ZDHHC3: variants seen among roughly 807,000 people sequenced by gnomAD.
The protein encoded by ZDHHC3 is palmitoyltransferase ZDHHC3.
ZDHHC3 carries 9 observed loss-of-function variants against 30.6 expected under a neutral mutation model. The ratio of observed to expected loss-of-function variants is 0.29; its 90% CI spans 0.18 to 0.51. ZDHHC3 has a LOEUF of 0.51. Ranked by LOEUF, ZDHHC3 falls within the 20% of genes least tolerant of loss-of-function variation. The pLI is 0.97. For synonymous variants in ZDHHC3, 136 were observed against 140.2 expected (o/e 0.97, Z 0.21); for missense variants, 246 against 384.2 (o/e 0.64, Z 3.01).
At chr3:44,948,797 G>A (rs566666496) in intron 2 of ZDHHC3, among the ~76,000 whole-genome samples, 6 of 152,224 alleles carry the variant, frequency 3.9e-5, no homozygotes, top group Non-Finnish European at 8.8e-5. Context: ...TCTTTGCTGG[G>A]CCCCAGCCCT....
At position 44,968,604 on chromosome 3, in the gene ZDHHC3, G is replaced by A. The variant is rs1197644192; in HGVS notation, c.-25+7329C>T. 3.3e-5 allele frequency among the ~76,000 whole-genome samples: 5 copies of A among 152,192 alleles called. No homozygotes were observed. The South Asian group carries it at 1.0e-3, about 31-fold the overall frequency. ...CCAGCTACTTGGGAAGCTGAGATAG[G>A]AGGATCGCCTGAGCCCAGAAGGTTG... is the stretch of plus-strand genomic sequence containing the variant. On this transcript the variant is annotated intron_variant, in intron 1 of 6. Coordinates refer to ENST00000424952, the MANE Select transcript of ZDHHC3 (RefSeq NM_001135179.2).
chr3:44,968,520 C>G (rs1705147019), intron 1 of ZDHHC3, among the ~76,000 whole-genome samples: 1 of 152,068 alleles, frequency 6.6e-6, no homozygotes, highest in Non-Finnish European at 1.5e-5. Context: ...TATAGCGAGA[C>G]CTCATCTCTA....
At chr3:44,968,320 AAAAC>A (rs908550297) in intron 1 of ZDHHC3, among the ~76,000 whole-genome samples, 35 of 152,254 alleles carry the variant, frequency 2.3e-4, no homozygotes, top group East Asian at 5.8e-4. Context: ...AAAAAAAAAC[AAAAC>A]AAACAAACAA....
chr3:44,973,822 G>A (rs74519634), intron 1 of ZDHHC3, among the ~76,000 whole-genome samples: 3,473 of 152,324 alleles, frequency 0.023, 103 homozygotes, highest in African/African-American at 0.077. Flanking sequence ...GTAAATTAGT[G>A]TTGAAAATTA....
intron 3 of ZDHHC3, 37 bp from the exon 4 acceptor site, chr3:44,934,021 C>T (rs1701725200): frequency 1.2e-6 from 2 of 1,606,478 alleles, no homozygotes; most frequent in Admixed American, 1.7e-5. Flanking sequence ...TAGGGCATCC[C>T]CATGGTGTTG....
At chr3:44,963,857 T>A (rs1704698349) in intron 1 of ZDHHC3, among the ~76,000 whole-genome samples, 1 of 152,218 alleles carries the variant, frequency 6.6e-6, no homozygotes, top group South Asian at 2.1e-4. Context: ...CTCTAAAAAC[T>A]CCTCTCTTTA....
At chr3:44,969,913 C>G (rs1327653755) in intron 1 of ZDHHC3, 2 of 152,224 alleles carry the variant, frequency 1.3e-5, no homozygotes, top group African/African-American at 4.8e-5. Flanking sequence ...AACGCCTCCC[C>G]CCATGCTAGG....
chr3:44,948,655 T>C (rs1703163099), intron 2 of ZDHHC3, among the ~76,000 whole-genome samples: 1 of 152,010 alleles, frequency 6.6e-6, no homozygotes, highest in Admixed American at 6.5e-5. Flanking sequence ...GGACTGAAAG[T>C]GGGGATCCTA....
intron 1 of ZDHHC3, among the ~76,000 whole-genome samples, chr3:44,967,918 T>C (rs1262029659): frequency 6.6e-6 from 1 of 152,236 alleles, no homozygotes; most frequent in Non-Finnish European, 1.5e-5. Context: ...TGAATGCCTA[T>C]TATGCTTCAG....
intron 3 of ZDHHC3, among the ~76,000 whole-genome samples, chr3:44,935,691 T>TGA (rs1701900915): frequency 6.6e-6 from 1 of 152,196 alleles, no homozygotes; most frequent in Non-Finnish European, 1.5e-5. Context: ...TGTAAGCCAA[T>TGA]GAGAGTTCCT....
rs1450148291 is a variant in ZDHHC3, at chr3:44,921,750, T to C, written c.*4939A>G. 21 of 966,422 alleles carry C rather than the reference T, an allele frequency of 2.2e-5. No individual in the cohort carries two copies. Among genetic ancestry groups the C allele is most frequent in the Non-Finnish European group, 2.1e-5 (17 of 812,802 alleles). The allele number at this position is 966,422 out of a possible 1,614,324, so 59.9% of individuals were successfully genotyped here. A position where few individuals can be genotyped will look rare whatever the true frequency, so the allele number is the denominator to read the frequency against. ...GGCTTAAAGAAGTTACTGCTCAAGG[T>C]CATATTTTGGTAGTAGGTGCGGTAA... is the stretch of plus-strand genomic sequence containing the variant. On this transcript the variant is annotated 3_prime_UTR_variant, in exon 7 of 7. Transcript: ENST00000424952.
At chr3:44,942,973 G>C (rs900284343) in intron 3 of ZDHHC3, among the ~76,000 whole-genome samples, 25 of 152,122 alleles carry the variant, frequency 1.6e-4, no homozygotes, top group African/African-American at 6.0e-4. Flanking sequence ...TCCTAAGCCC[G>C]AGAGTGGCAA....
Position 44,933,208 on chromosome 3 carries a change from G to T in ZDHHC3, c.529-9C>A. ...ATGAGAGCTATGTACATCTGAAACA[G>T]GAAACCAGTGCAGACACCATTGTTG... On this transcript the variant is annotated splice_polypyrimidine_tract_variant and intron_variant, in intron 4 of 6. Transcript: ENST00000424952. 1 of 1,613,328 alleles carries T rather than the reference G, an allele frequency of 6.2e-7. No individual in the cohort carries two copies. The highest frequency in any genetic ancestry group is 8.5e-7 in the Non-Finnish European group (1 of 1,179,290).
intron 3 of ZDHHC3, among the ~76,000 whole-genome samples, chr3:44,944,642 G>A (rs1310239466): frequency 6.8e-6 from 1 of 147,830 alleles, no homozygotes; most frequent in Admixed American, 6.6e-5. Context: ...AAAGAAACCT[G>A]AAAACAAAAC....
At chr3:44,941,155 G>A (rs913116525) in intron 3 of ZDHHC3, among the ~76,000 whole-genome samples, 3 of 152,156 alleles carry the variant, frequency 2.0e-5, no homozygotes, top group Non-Finnish European at 2.9e-5. Flanking sequence ...AGACTGGGAT[G>A]CTCATGTAGG....
In ZDHHC3 at chr3:44,923,364, T is replaced by C; in HGVS notation, c.*3325A>G. On this transcript the variant is annotated 3_prime_UTR_variant, in exon 7 of 7. Coordinates refer to ENST00000424952, the MANE Select transcript of ZDHHC3 (RefSeq NM_001135179.2). ...GTGCTGGGATTACAGGCGTGAGGGATGTCCACAGTGAGAAGTGTCCGCGCC... is the reference window on the plus strand; with the variant it reads ...GTGCTGGGATTACAGGCGTGAGGGACGTCCACAGTGAGAAGTGTCCGCGCC... The C allele has an allele frequency of 3.0e-6, 3 of 985,378 alleles. No individual in the cohort carries two copies. Among genetic ancestry groups the C allele is most frequent in the Non-Finnish European group, 3.6e-6 (3 of 829,918 alleles). The allele number at this position is 985,378 out of a possible 1,614,324, so 61.0% of individuals were successfully genotyped here. A position where few individuals can be genotyped will look rare whatever the true frequency, so the allele number is the denominator to read the frequency against.
chr3:44,934,508 G>A (rs1279307932), intron 3 of ZDHHC3, among the ~76,000 whole-genome samples: 1 of 150,032 alleles, frequency 6.7e-6, no homozygotes, highest in Non-Finnish European at 1.5e-5. Flanking sequence ...TCAGAGCAAG[G>A]TCAAGGACAG....
intron 2 of ZDHHC3, chr3:44,958,542 C>T: frequency 6.6e-7 from 1 of 1,505,980 alleles, no homozygotes; most frequent in African/African-American, 1.4e-5. Flanking sequence ...GCATATTTAG[C>T]TAAGTCATTG....
At position 44,922,099 on chromosome 3, in the gene ZDHHC3, G is replaced by A; in HGVS notation, c.*4590C>T. 1.0e-6 allele frequency: 1 copy of A among 985,468 alleles called. No homozygotes were observed. 61.0% of individuals were successfully genotyped at this position (985,468 alleles called of 1,614,324 possible). On this transcript the variant is annotated 3_prime_UTR_variant, in exon 7 of 7. Coordinates refer to ENST00000424952, the MANE Select transcript of ZDHHC3 (RefSeq NM_001135179.2). ...GAGAAAAAGAAGGTTCAGGTTGGGA[G>A]TACGCTGGTCAGTGGCTTGTTTCTG...
Sources: allele counts gnomAD v4.1 joint callset (sites outside exome capture counted in the v4.1 genomes callset), GRCh38; gene constraint gnomAD v4.1.1; transcripts MANE v1.5; gene names NCBI Gene and HGNC (gene_info 2026-07-23, HGNC 2026-07-21).